CACNA2D3: variants seen among roughly 807,000 people sequenced by gnomAD.
CACNA2D3 encodes calcium voltage-gated channel auxiliary subunit alpha2delta 3, also known as voltage-dependent calcium channel subunit alpha-2/delta-3.
In CACNA2D3, 60 loss-of-function variants were observed where a neutral mutation model predicts 160.6. That is an observed-to-expected ratio of 0.37 (90% CI 0.30 to 0.46). The LOEUF (loss-of-function observed/expected upper bound fraction) is 0.46, where lower values mean the gene tolerates loss of function less well. Ranked by LOEUF, CACNA2D3 falls within the 20% of genes least tolerant of loss-of-function variation. The pLI is 1.00. For missense variants in CACNA2D3, 1,205 were observed against 1,365.0 expected (o/e 0.88, Z 1.85); for synonymous variants, 558 against 492.9 (o/e 1.13, Z -1.75).
intron 4 of CACNA2D3, among the ~76,000 whole-genome samples, chr3:54,467,549 A>C (rs1434597270): frequency 1.3e-5 from 2 of 152,234 alleles, no homozygotes; most frequent in African/African-American, 4.8e-5. Context: ...CCTCATCTGC[A>C]AAATGGAGAT....
intron 11 of CACNA2D3, among the ~76,000 whole-genome samples, chr3:54,715,310 C>T (rs1025942153): frequency 1.3e-5 from 2 of 152,132 alleles, no homozygotes; most frequent in Admixed American, 6.5e-5. Flanking sequence ...TAGAGATGCA[C>T]AGGGCAAGGT....
intron 17 of CACNA2D3, among the ~76,000 whole-genome samples, chr3:54,857,379 G>A (rs1168700): frequency 0.019 from 2,933 of 152,212 alleles, 100 homozygotes; most frequent in African/African-American, 0.066. Flanking sequence ...CAGCAGCTAG[G>A]TGAAGGCTTT....
intron 35 of CACNA2D3, among the ~76,000 whole-genome samples, chr3:55,063,817 G>A (rs781467358): frequency 7.2e-5 from 11 of 152,234 alleles, no homozygotes; most frequent in Non-Finnish European, 1.6e-4. Flanking sequence ...AATGGGCCGT[G>A]GCAGGGAGAC....
Position 54,891,461 on chromosome 3 carries a change from G to A in CACNA2D3, c.2246+11G>A. 6.2e-7 allele frequency: 1 copy of A among 1,600,372 alleles called. No homozygotes were observed. The highest frequency in any genetic ancestry group is 8.6e-7 in the Non-Finnish European group (1 of 1,167,648). On this transcript the variant is annotated intron_variant, in intron 25 of 37. Transcript: ENST00000474759. Reference sequence around the variant, plus strand: ...GCAGCTCACCAATCAGTAAGTAGGAGGGATCCTCTACAGGGGCCCAGGGAG... The same window carrying A: ...GCAGCTCACCAATCAGTAAGTAGGAAGGATCCTCTACAGGGGCCCAGGGAG...
intron 2 of CACNA2D3, among the ~76,000 whole-genome samples, chr3:54,222,142 G>A (rs1701585491): frequency 6.6e-6 from 1 of 152,194 alleles, no homozygotes; most frequent in African/African-American, 2.4e-5. Context: ...TTTCAGAGAA[G>A]CAGAATCAAT....
intron 26 of CACNA2D3, 22 bp from the exon 27 acceptor site, chr3:54,899,766 G>A (rs761469231): frequency 6.5e-7 from 1 of 1,536,048 alleles, no homozygotes; most frequent in Non-Finnish European, 9.0e-7. Context: ...CATTTTTGTT[G>A]TGGTGTTTTT....
chr3:54,420,415 A>G (rs1699820513), intron 4 of CACNA2D3, among the ~76,000 whole-genome samples: 2 of 152,240 alleles, frequency 1.3e-5, no homozygotes, highest in Non-Finnish European at 1.5e-5. Context: ...CATTACTGTC[A>G]GATTAAAATC....
At chr3:54,473,339 A>G (rs888258064) in intron 4 of CACNA2D3, among the ~76,000 whole-genome samples, 4 of 152,100 alleles carry the variant, frequency 2.6e-5, no homozygotes, top group African/African-American at 7.2e-5. Context: ...TATGCAGAAA[A>G]CTGAAACTGG....
intron 5 of CACNA2D3, among the ~76,000 whole-genome samples, chr3:54,548,784 A>T (rs553349852): frequency 2.0e-5 from 3 of 152,274 alleles, no homozygotes; most frequent in African/African-American, 7.2e-5. Flanking sequence ...CATGGCACAA[A>T]GGCATTCCTT....
At chr3:54,776,187 A>G (rs976551780) in intron 13 of CACNA2D3, among the ~76,000 whole-genome samples, 1 of 152,234 alleles carries the variant, frequency 6.6e-6, no homozygotes, top group East Asian at 1.9e-4. Context: ...AGGGATAGAA[A>G]CAGATCAGCC....
chr3:54,264,578 A>G (rs1702466923), intron 2 of CACNA2D3, among the ~76,000 whole-genome samples: 2 of 152,208 alleles, frequency 1.3e-5, no homozygotes, highest in Admixed American at 6.5e-5. Flanking sequence ...TTTCTTGGCT[A>G]TTAACAGTAA....
intron 13 of CACNA2D3, among the ~76,000 whole-genome samples, chr3:54,803,061 CG>C (rs1703032320): frequency 6.6e-6 from 1 of 152,078 alleles, no homozygotes. Context: ...CCCATCTGTA[CG>C]TCACCATCAT....
intron 11 of CACNA2D3, among the ~76,000 whole-genome samples, chr3:54,697,477 A>T (rs1016985002): frequency 6.6e-6 from 1 of 152,098 alleles, no homozygotes; most frequent in Non-Finnish European, 1.5e-5. Context: ...TTCTAATCCT[A>T]CAGTTTCCAA....
At chr3:54,354,755 G>T (rs552162511) in intron 3 of CACNA2D3, among the ~76,000 whole-genome samples, 41 of 152,316 alleles carry the variant, frequency 2.7e-4, no homozygotes, top group African/African-American at 9.1e-4. Flanking sequence ...TGGGCTACTT[G>T]GTTCTCATGT....
chr3:54,570,179 C>T, intron 8 of CACNA2D3, 75 bp downstream of exon 8: 1 of 1,442,346 alleles, frequency 6.9e-7, no homozygotes, highest in Non-Finnish European at 9.6e-7. Flanking sequence ...TAACATTGCT[C>T]TCGCTGTTAG....
intron 35 of CACNA2D3, among the ~76,000 whole-genome samples, chr3:55,028,549 A>G (rs761517861): frequency 2.6e-5 from 4 of 152,218 alleles, no homozygotes; most frequent in Non-Finnish European, 5.9e-5. Flanking sequence ...ATTTTCCAGT[A>G]TGTTTCTTTC....
At chr3:54,752,985 C>T (rs1255035104) in intron 12 of CACNA2D3, among the ~76,000 whole-genome samples, 2 of 151,850 alleles carry the variant, frequency 1.3e-5, no homozygotes, top group South Asian at 2.1e-4. Flanking sequence ...CTCAGCCTCC[C>T]GAGTAGCTGA....
At chr3:54,632,391 G>A (rs901113518) in intron 10 of CACNA2D3, 2 of 152,138 alleles carry the variant, frequency 1.3e-5, no homozygotes, top group African/African-American at 4.8e-5. Context: ...TCCCCTTGAA[G>A]CTTCTGTGAC....
intron 4 of CACNA2D3, among the ~76,000 whole-genome samples, chr3:54,435,718 C>T (rs1700049898): frequency 1.3e-5 from 2 of 152,106 alleles, no homozygotes; most frequent in African/African-American, 4.8e-5. Context: ...CCAGAGAAAT[C>T]ATAACTTTAA....
Sources: allele counts gnomAD v4.1 joint callset (sites outside exome capture counted in the v4.1 genomes callset), GRCh38; gene constraint gnomAD v4.1.1; transcripts MANE v1.5; gene names NCBI Gene and HGNC (gene_info 2026-07-23, HGNC 2026-07-21).